Variants in CNTNAP5 observed in about 807,000 individuals in gnomAD.
CNTNAP5 encodes the protein contactin-associated protein-like 5.
CNTNAP5 carries 72 observed loss-of-function variants against 150.2 expected under a neutral mutation model. The ratio of observed to expected loss-of-function variants is 0.48; its 90% confidence interval spans 0.40 to 0.58. The LOEUF (loss-of-function observed/expected upper bound fraction) is 0.58. Among genes scored for constraint, CNTNAP5 ranks in the 20% least tolerant of loss-of-function variants. CNTNAP5 has a pLI of 0.00. For synonymous variants in CNTNAP5, 672 were observed against 619.8 expected (o/e 1.08, Z -1.25); for missense variants, 1,636 against 1,626.2 (o/e 1.01, Z -0.10).
At chr2:124,101,256 T>C (rs1353101739) in intron 1 of CNTNAP5, among the ~76,000 whole-genome samples, 1 of 152,194 alleles carries the variant, frequency 6.6e-6, no homozygotes, top group East Asian at 1.9e-4. Flanking sequence ...AAATATGCCA[T>C]CATCATTTTT....
intron 1 of CNTNAP5, among the ~76,000 whole-genome samples, chr2:124,215,245 A>G (rs1409863711): frequency 1.3e-5 from 2 of 152,228 alleles, no homozygotes; most frequent in Non-Finnish European, 2.9e-5. Context: ...CCCCACATAC[A>G]GACAATTTAC....
intron 3 of CNTNAP5, among the ~76,000 whole-genome samples, chr2:124,353,553 T>C (rs2104704641): frequency 6.6e-6 from 1 of 152,260 alleles, no homozygotes; most frequent in South Asian, 2.1e-4. Context: ...GCCTGTCCCA[T>C]TTCAGGTCTG....
At chr2:124,361,599 A>T (rs10204362) in intron 3 of CNTNAP5, among the ~76,000 whole-genome samples, 1 of 132,242 alleles carries the variant, frequency 7.6e-6, no homozygotes, top group African/African-American at 2.9e-5. Flanking sequence ...CTGCTGGGGG[A>T]TGCCTCCCAG....
intron 18 of CNTNAP5, among the ~76,000 whole-genome samples, chr2:124,797,341 T>C (rs62171348): frequency 6.6e-6 from 1 of 152,210 alleles, no homozygotes; most frequent in Non-Finnish European, 1.5e-5. Flanking sequence ...AAATGAATTT[T>C]ATCAGTTTTT....
At chr2:124,450,424 A>C (rs768023987) in intron 6 of CNTNAP5, among the ~76,000 whole-genome samples, 1 of 151,912 alleles carries the variant, frequency 6.6e-6, no homozygotes, top group Non-Finnish European at 1.5e-5. Flanking sequence ...ACCTTAGGGG[A>C]TATCAATCAA....
intron 17 of CNTNAP5, among the ~76,000 whole-genome samples, chr2:124,773,617 A>G (rs1681253136): frequency 6.6e-6 from 1 of 152,168 alleles, no homozygotes; most frequent in African/African-American, 2.4e-5. Flanking sequence ...GGAAAGATCC[A>G]GGCATCCTTC....
intron 1 of CNTNAP5, among the ~76,000 whole-genome samples, chr2:124,150,319 A>G (rs1252789824): frequency 6.6e-6 from 1 of 152,212 alleles, no homozygotes; most frequent in Admixed American, 6.5e-5. Context: ...GCCTCTGTTT[A>G]TCGATTTTGT....
chr2:124,174,548 T>A (rs1223887059), intron 1 of CNTNAP5, among the ~76,000 whole-genome samples: 1 of 152,170 alleles, frequency 6.6e-6, no homozygotes, highest in Non-Finnish European at 1.5e-5. Context: ...GAAATAGAAC[T>A]AAAAGTGGAA....
At chr2:124,239,582 C>T (rs1297617241) in intron 2 of CNTNAP5, among the ~76,000 whole-genome samples, 1 of 151,916 alleles carries the variant, frequency 6.6e-6, no homozygotes. Context: ...ATGTTATATG[C>T]AAAAATCAGA....
At chr2:124,548,453 G>A (rs891017395) in intron 10 of CNTNAP5, among the ~76,000 whole-genome samples, 7 of 152,184 alleles carry the variant, frequency 4.6e-5, no homozygotes, top group African/African-American at 1.7e-4. Flanking sequence ...CAGGTTTGCT[G>A]TTCACAAGGA....
chr2:124,542,820 G>A (rs11888843), intron 10 of CNTNAP5, among the ~76,000 whole-genome samples: 63,130 of 151,694 alleles, frequency 0.42, 13,579 homozygotes, highest in East Asian at 0.64. Flanking sequence ...TTTACTTAAT[G>A]ATTTGAACCT....
intron 21 of CNTNAP5, among the ~76,000 whole-genome samples, chr2:124,895,778 A>G (rs1348573837): frequency 6.6e-6 from 1 of 151,676 alleles, no homozygotes; most frequent in African/African-American, 2.4e-5. Context: ...TCAGAAGGGA[A>G]ATCAACTGTT....
chr2:124,271,116 T>C (rs550588499), intron 3 of CNTNAP5, among the ~76,000 whole-genome samples: 54 of 151,936 alleles, frequency 3.6e-4, no homozygotes, highest in African/African-American at 1.1e-3. Flanking sequence ...AATGTTTCGA[T>C]GTGAAAAAGG....
chr2:124,574,493 C>T (rs769623216), intron 11 of CNTNAP5, among the ~76,000 whole-genome samples: 2 of 152,144 alleles, frequency 1.3e-5, no homozygotes, highest in Non-Finnish European at 2.9e-5. Flanking sequence ...ATAGAAAGCA[C>T]TAAGTATTAA....
chr2:124,628,303 A>G lies in CNTNAP5; in HGVS notation c.1876+18383A>G, dbSNP rs376530755. ...TGAAATGAAGCAAAAAAATGTTAAGAGCAGCCAGAGAGAAAGGCCAAATCA... is the reference window on the plus strand; with the variant it reads ...TGAAATGAAGCAAAAAAATGTTAAGGGCAGCCAGAGAGAAAGGCCAAATCA... On this transcript the variant is annotated intron_variant, in intron 12 of 23. Transcript: ENST00000682447. Among the ~76,000 whole-genome samples the G allele has an allele frequency of 7.9e-5, 12 of 152,296 alleles. No individual in the cohort carries two copies. The East Asian group carries it at 2.3e-3, about 29-fold the overall frequency.
chr2:124,323,200 G>A (rs1371227559), intron 3 of CNTNAP5, among the ~76,000 whole-genome samples: 1 of 152,172 alleles, frequency 6.6e-6, no homozygotes, highest in African/African-American at 2.4e-5. Context: ...CACTTTCCCA[G>A]AGGAGGAATT....
intron 8 of CNTNAP5, among the ~76,000 whole-genome samples, chr2:124,517,475 G>A (rs1694749691): frequency 6.7e-6 from 1 of 149,840 alleles, no homozygotes; most frequent in South Asian, 2.2e-4. Flanking sequence ...TTGCTCATGG[G>A]AGGTTGTGGT....
At chr2:124,881,041 C>A (rs531270926) in intron 21 of CNTNAP5, among the ~76,000 whole-genome samples, 1 of 152,172 alleles carries the variant, frequency 6.6e-6, no homozygotes, top group South Asian at 2.1e-4. Context: ...ATACATGCAG[C>A]AGAGTAGAGG....
intron 3 of CNTNAP5, among the ~76,000 whole-genome samples, chr2:124,346,434 A>G (rs1046349203): frequency 1.3e-5 from 2 of 152,236 alleles, no homozygotes; most frequent in Non-Finnish European, 2.9e-5. Context: ...TAAGAACACA[A>G]TGAACATACC....
Sources: allele counts gnomAD v4.1 joint callset (sites outside exome capture counted in the v4.1 genomes callset), GRCh38; gene constraint gnomAD v4.1.1; transcripts MANE v1.5; gene names NCBI Gene and HGNC (gene_info 2026-07-23, HGNC 2026-07-21).